Variants in STX6 observed in about 807,000 individuals in gnomAD.
STX6 encodes syntaxin 6.
STX6 carries 23 observed loss-of-function variants against 38.0 expected under a neutral mutation model. That is an observed-to-expected ratio of 0.60 (90% CI 0.43 to 0.86). The LOEUF (loss-of-function observed/expected upper bound fraction) is 0.86. Ranked by LOEUF, STX6 falls within the 40% of genes least tolerant of loss-of-function variation. STX6 has a pLI of 0.00. For missense variants in STX6, 274 were observed against 312.9 expected (o/e 0.88, Z 0.94); for synonymous variants, 123 against 107.5 (o/e 1.14, Z -0.89).
intron 3 of STX6, among the ~76,000 whole-genome samples, chr1:180,996,212 T>C (rs1655911895): frequency 6.6e-6 from 1 of 152,042 alleles, no homozygotes; most frequent in Admixed American, 6.6e-5. Flanking sequence ...AAAAAAGACA[T>C]GCAGAGATGT....
At chr1:180,987,465 C>G (rs934187362) in intron 6 of STX6, among the ~76,000 whole-genome samples, 3 of 152,228 alleles carry the variant, frequency 2.0e-5, no homozygotes, top group African/African-American at 7.2e-5. Flanking sequence ...GTCTTGTCTG[C>G]TCTGTTCCCT....
Position 180,976,380 on chromosome 1 carries a change from T to C in STX6, c.*190A>G. The stretch of plus-strand genomic sequence containing the variant: ...GCCAGGAGTGCAGACATCTATTTCC[T>C]CTTCCCACTGGCCCTTCCAGCGCTG... On this transcript the variant is annotated 3_prime_UTR_variant, in exon 8 of 8. Transcript: ENST00000258301. 1.7e-6 allele frequency: 1 copy of C among 586,012 alleles called. No individual in the cohort carries two copies. Among genetic ancestry groups the C allele is most frequent in the Non-Finnish European group, 3.1e-6 (1 of 325,384 alleles). The allele number at this position is 586,012 out of a possible 1,614,324, so 36.3% of individuals were successfully genotyped here.
At chr1:181,011,588 C>T (rs1656399397) in intron 1 of STX6, among the ~76,000 whole-genome samples, 1 of 152,176 alleles carries the variant, frequency 6.6e-6, no homozygotes, top group African/African-American at 2.4e-5. Flanking sequence ...CTTGTAAGTA[C>T]TTGCAACTAA....
chr1:181,011,471 C>T (rs1002584769), intron 1 of STX6, among the ~76,000 whole-genome samples: 3 of 152,076 alleles, frequency 2.0e-5, no homozygotes, highest in African/African-American at 7.2e-5. Context: ...TAATGGTAAC[C>T]AGAATTTTCT....
At chr1:181,008,089 A>T (rs1656280001) in intron 1 of STX6, among the ~76,000 whole-genome samples, 1 of 152,202 alleles carries the variant, frequency 6.6e-6, no homozygotes, top group African/African-American at 2.4e-5. Flanking sequence ...TACTTTTTTG[A>T]TAGTATACCA....
chr1:180,990,183 A>G, intron 4 of STX6, 74 bp from the exon 5 acceptor site: 1 of 1,565,388 alleles, frequency 6.4e-7, no homozygotes, highest in Non-Finnish European at 8.7e-7. Flanking sequence ...ATGCATCAAG[A>G]GTGATATAAA....
At chr1:181,000,875 CA>C (rs34045263) in intron 3 of STX6, among the ~76,000 whole-genome samples, 3,932 of 72,598 alleles carry the variant, frequency 0.054, 68 homozygotes, top group African/African-American at 0.11. Context: ...CCTACTACTA[CA>C]AAAAAAAAAA....
intron 3 of STX6, among the ~76,000 whole-genome samples, chr1:180,995,847 G>A (rs938801994): frequency 1.3e-5 from 2 of 152,148 alleles, no homozygotes; most frequent in African/African-American, 2.4e-5. Flanking sequence ...TTTGCTGTTA[G>A]AAGTCAGTGC....
chr1:181,005,332 C>T lies in STX6; in HGVS notation c.167G>A (p.Ser56Asn), dbSNP rs1382838423. 1 of 1,614,108 alleles carries T rather than the reference C, an allele frequency of 6.2e-7. No homozygotes were observed. Among genetic ancestry groups the T allele is most frequent in the East Asian group, 2.2e-5 (1 of 44,878 alleles). The part of the protein sequence containing the change: ...TTNELRNNLR[S>N]IEWDLEDLDE... ...AAGGTCCTCTAGATCCCACTCTATG[C>T]TCCGGAGGTTATTTCTCAGCTCGTT... The change falls in exon 2 of 8, where the codon AGC (serine) becomes AAC (asparagine). Residue 56 changes from serine to asparagine, a missense_variant. Ser to Asn is a conservative substitution (Grantham distance 46). Coordinates refer to ENST00000258301, the MANE Select transcript of STX6 (RefSeq NM_005819.6).
chr1:180,983,159 A>G (rs59145927), intron 7 of STX6, among the ~76,000 whole-genome samples: 84,484 of 151,540 alleles, frequency 0.56, 23,839 homozygotes, highest in East Asian at 0.63. Context: ...ATATTTTTAC[A>G]GATAAGAAAC....
rs571569101 is a variant in STX6, at chr1:181,017,387, C to T, written c.35+5252G>A. Among the ~76,000 whole-genome samples, 58 of 151,784 alleles carry T rather than the reference C, an allele frequency of 3.8e-4. No individual in the cohort carries two copies. The East Asian group carries it at 7.6e-3, about 20-fold the overall frequency. ...CAGCCTGGGCAACAGAGTGAGACTC[C>T]GTCTCAAAAAAACAAACAAACAAAC... On this transcript the variant is annotated intron_variant, in intron 1 of 7. Transcript: ENST00000258301.
intron 3 of STX6, among the ~76,000 whole-genome samples, chr1:181,000,970 C>G (rs891401863): frequency 6.6e-6 from 1 of 150,824 alleles, no homozygotes; most frequent in Non-Finnish European, 1.5e-5. Flanking sequence ...CTCATCAGAA[C>G]AGTATTTTGA....
Position 180,976,643 on chromosome 1 carries a change from CG to C in STX6, c.694del (p.Arg232GlyfsTer7), listed in dbSNP as rs754692254. 5 of 1,613,268 alleles carry C rather than the reference CG, an allele frequency of 3.1e-6. No individual in the cohort carries two copies. The highest frequency in any genetic ancestry group is 3.4e-6 in the Non-Finnish European group (4 of 1,179,964). ...GATGGCTATGGCACACCATTGGCGC[CG>C]ATCTGGAAGGCAGGACATGGGGATT... ...LAKVSHMTSD[R>X]RQWCAIAILF... On this transcript the variant is annotated frameshift_variant and splice_region_variant, in exon 8 of 8. Coordinates refer to ENST00000258301, the MANE Select transcript of STX6 (RefSeq NM_005819.6). LOFTEE classifies it high-confidence loss of function.
intron 7 of STX6, among the ~76,000 whole-genome samples, chr1:180,984,278 G>A (rs1462576878): frequency 2.0e-5 from 3 of 151,894 alleles, no homozygotes; most frequent in African/African-American, 7.3e-5. Flanking sequence ...AGGCACGGTG[G>A]CTCACGCCTA....
chr1:180,996,719 C>G (rs993005643), intron 3 of STX6, among the ~76,000 whole-genome samples: 3 of 152,018 alleles, frequency 2.0e-5, no homozygotes, highest in African/African-American at 7.2e-5. Flanking sequence ...ACTACAGGCA[C>G]GTGCCACCAT....
At chr1:181,021,913 T>C (rs1392735554) in intron 1 of STX6, among the ~76,000 whole-genome samples, 1 of 152,250 alleles carries the variant, frequency 6.6e-6, no homozygotes, top group African/African-American at 2.4e-5. Context: ...CCTTTAGCAC[T>C]GTGAGAAAAT....
intron 1 of STX6, among the ~76,000 whole-genome samples, chr1:181,009,544 G>T (rs1656334458): frequency 6.6e-6 from 1 of 150,400 alleles, no homozygotes; most frequent in Non-Finnish European, 1.5e-5. Flanking sequence ...AATAGCACAG[G>T]AAAAGATGCC....
chr1:180,975,637 CTAAGAG>C lies in STX6; in HGVS notation c.*927_*932del, dbSNP rs987776388. 17 of 152,174 alleles carry C rather than the reference CTAAGAG, an allele frequency of 1.1e-4. No individual in the cohort carries two copies. Among genetic ancestry groups the C allele is most frequent in the African/African-American group, 3.4e-4 (14 of 41,396 alleles). 9.4% of individuals were successfully genotyped at this position (152,174 alleles called of 1,614,324 possible). On this transcript the variant is annotated 3_prime_UTR_variant, in exon 8 of 8. Transcript: ENST00000258301. ...ACCCCAACCCCCAGTGTAGAGTGCC[CTAAGAG>C]TAAAAGAACTGTAATGAGGACAATC...
At chr1:180,978,230 C>G (rs1033709738) in intron 7 of STX6, among the ~76,000 whole-genome samples, 5 of 152,146 alleles carry the variant, frequency 3.3e-5, no homozygotes, top group Admixed American at 1.3e-4. Flanking sequence ...ACTGAAAAAG[C>G]AAAACTCTTC....
Sources: allele counts gnomAD v4.1 joint callset (sites outside exome capture counted in the v4.1 genomes callset), GRCh38; gene constraint gnomAD v4.1.1; transcripts MANE v1.5; gene names NCBI Gene and HGNC (gene_info 2026-07-23, HGNC 2026-07-21).